ZNF112: variants seen among roughly 807,000 people sequenced by gnomAD.
The protein encoded by ZNF112 is zinc finger protein 112.
ZNF112 carries 37 observed loss-of-function variants against 77.7 expected under a neutral mutation model. That is an observed-to-expected ratio of 0.48 (90% CI 0.37 to 0.63). The LOEUF (loss-of-function observed/expected upper bound fraction) is 0.63. Ranked by LOEUF, ZNF112 falls within the 20% of genes least tolerant of loss-of-function variation. The pLI is 0.00. For missense variants in ZNF112, 950 were observed against 1,077.4 expected (o/e 0.88, Z 1.66); for synonymous variants, 333 against 363.6 (o/e 0.92, Z 0.96).
chr19:44,366,896 A>C (rs926318762), intron 1 of ZNF112, among the ~76,000 whole-genome samples: 3 of 152,168 alleles, frequency 2.0e-5, no homozygotes, highest in Admixed American at 1.3e-4. Flanking sequence ...TGGTACTACT[A>C]TTCCCCTTAT....
chr19:44,327,406 G>A lies in ZNF112; in HGVS notation c.*27C>T. 6.5e-7 allele frequency: 1 copy of A among 1,533,924 alleles called. No individual in the cohort carries two copies. On this transcript the variant is annotated 3_prime_UTR_variant, in exon 4 of 4. Coordinates refer to ENST00000354340, the MANE Select transcript of ZNF112 (RefSeq NM_013380.4). ...TCTACTGAAAGAACTCTAGTGACTG[G>A]AAAATTTCAGCTCCCATTTGAGGAC...
intron 1 of ZNF112, among the ~76,000 whole-genome samples, chr19:44,344,512 C>T (rs1482542181): frequency 6.6e-6 from 1 of 152,212 alleles, no homozygotes; most frequent in East Asian, 1.9e-4. Flanking sequence ...GTAGAATCCA[C>T]AGGATGTAAG....
chr19:44,347,433 C>G (rs144170374), intron 1 of ZNF112, among the ~76,000 whole-genome samples: 1 of 148,030 alleles, frequency 6.8e-6, no homozygotes, highest in Non-Finnish European at 1.5e-5. Flanking sequence ...TCCTGTTTGT[C>G]CTCCCTGATT....
intron 1 of ZNF112, among the ~76,000 whole-genome samples, chr19:44,365,339 C>T (rs149303442): frequency 1.3e-3 from 191 of 152,076 alleles, no homozygotes; most frequent in African/African-American, 4.3e-3. Context: ...CCTCTAGTTC[C>T]AGCTACTCAG....
intron 1 of ZNF112, among the ~76,000 whole-genome samples, chr19:44,350,477 A>T: frequency 6.6e-6 from 1 of 152,086 alleles, no homozygotes. Flanking sequence ...ATACTGAATG[A>T]CATTGGAAAT....
chr19:44,352,684 A>G (rs1335265163), intron 1 of ZNF112, among the ~76,000 whole-genome samples: 1 of 152,168 alleles, frequency 6.6e-6, no homozygotes, highest in Admixed American at 6.5e-5. Flanking sequence ...AATCAGGTGT[A>G]TTTCTATACA....
At chr19:44,343,382 GT>G (rs2123183933) in intron 1 of ZNF112, 1 of 1,191,364 alleles carries the variant, frequency 8.4e-7, no homozygotes, top group East Asian at 2.4e-5. Context: ...AGAAAAAGGT[GT>G]CCCTTCCCCC....
chr19:44,351,129 G>C (rs1335515667), intron 1 of ZNF112, among the ~76,000 whole-genome samples: 1 of 152,026 alleles, frequency 6.6e-6, no homozygotes, highest in Non-Finnish European at 1.5e-5. Context: ...TATGGCTGCA[G>C]CACTCCAATT....
At chr19:44,357,221 G>C (rs375897084), upstream of ZNF112, among the ~76,000 whole-genome samples, 2 of 151,986 alleles carry the variant, frequency 1.3e-5, no homozygotes, top group Non-Finnish European at 2.9e-5. Flanking sequence ...CTTCAAACGC[G>C]ACACAAACCC....
Position 44,336,696 on chromosome 19 carries a change from G to A in ZNF112, c.147C>T (p.Asp49=). The change falls in exon 3 of 4, where the codon GAC becomes GAT. Residue 49 remains aspartate, a synonymous_variant. Coordinates refer to ENST00000354340, the MANE Select transcript of ZNF112 (RefSeq NM_013380.4). Reference sequence around the variant, plus strand: ...CTTCTCTCTCCAGCTGGGATATTAGGTCTGGCTTGAAGGGCTGATGTGCTG... The same window carrying A: ...CTTCTCTCTCCAGCTGGGATATTAGATCTGGCTTGAAGGGCTGATGTGCTG... The part of the protein sequence containing the change: ...LLVAHQPFKP[D]LISQLEREEK... The A allele has an allele frequency of 1.2e-6, 2 of 1,613,930 alleles. No homozygotes were observed. The highest frequency in any genetic ancestry group is 1.7e-6 in the Non-Finnish European group (2 of 1,179,956).
upstream of ZNF112, among the ~76,000 whole-genome samples, chr19:44,360,819 G>A (rs1264189352): frequency 1.3e-5 from 2 of 152,212 alleles, no homozygotes; most frequent in African/African-American, 2.4e-5. Context: ...TGTAGAGCCC[G>A]ATTTGAAAAG....
rs187135476 is a variant in ZNF112 at position 44,362,066 on chromosome 19, T to A, written c.17+5015A>T. Among the ~76,000 whole-genome samples the A allele has an allele frequency of 2.5e-3, 387 of 152,208 alleles. 2 individuals carry two copies. In the Middle Eastern group the frequency reaches 0.041, roughly 16 times the overall value. Reference sequence around the variant, plus strand: ...CTAAAAATAATGAGAAACTCTATAATGAATATGAACATACTGATCAGGTGT... The same window carrying A: ...CTAAAAATAATGAGAAACTCTATAAAGAATATGAACATACTGATCAGGTGT... On this transcript the variant is annotated intron_variant, in intron 1 of 4. Transcript: ENST00000588057.
chr19:44,364,650 T>C (rs1266379941), intron 1 of ZNF112, among the ~76,000 whole-genome samples: 1 of 152,000 alleles, frequency 6.6e-6, no homozygotes, highest in Non-Finnish European at 1.5e-5. Flanking sequence ...AAATACAAAT[T>C]AGCAACACAA....
At chr19:44,363,723 A>T (rs1970876670) in intron 1 of ZNF112, among the ~76,000 whole-genome samples, 1 of 152,212 alleles carries the variant, frequency 6.6e-6, no homozygotes, top group East Asian at 1.9e-4. Context: ...CCTGCAGCAT[A>T]CTTATAAAAG....
intron 1 of ZNF112, chr19:44,341,220 A>G (rs1970484089): frequency 4.4e-6 from 2 of 456,228 alleles, no homozygotes; most frequent in South Asian, 3.1e-5. Context: ...TATTTTCATT[A>G]TATCTTCTAT....
intron 3 of ZNF112, among the ~76,000 whole-genome samples, chr19:44,330,859 C>T (rs545193315): frequency 1.2e-3 from 189 of 152,280 alleles, no homozygotes; most frequent in African/African-American, 4.1e-3. Context: ...AATGGACAAA[C>T]GCCTTTTGTC....
intron 3 of ZNF112, among the ~76,000 whole-genome samples, chr19:44,334,966 G>A (rs1057088680): frequency 6.6e-6 from 1 of 152,256 alleles, no homozygotes; most frequent in Non-Finnish European, 1.5e-5. Context: ...GCTGTGAGAA[G>A]AGGGCCACCG....
At chr19:44,350,163 T>A (rs1224241258) in intron 1 of ZNF112, among the ~76,000 whole-genome samples, 1 of 152,092 alleles carries the variant, frequency 6.6e-6, no homozygotes, top group Non-Finnish European at 1.5e-5. Context: ...TATAAAAACA[T>A]GTATTTAAAG....
chr19:44,343,686 T>C (rs1360201639), intron 1 of ZNF112, among the ~76,000 whole-genome samples: 9 of 152,224 alleles, frequency 5.9e-5, no homozygotes, highest in Non-Finnish European at 1.2e-4. Flanking sequence ...GTTAAATTCA[T>C]GAACCTTTCT....
Sources: gnomAD v4.1 joint callset for allele counts (sites outside exome capture counted in the v4.1 genomes callset) on GRCh38, gnomAD v4.1.1 for gene constraint, MANE v1.5 for transcripts, NCBI Gene and HGNC (gene_info 2026-07-23, HGNC 2026-07-21) for gene names.